MAST4: variants seen among roughly 807,000 people sequenced by gnomAD.
MAST4 encodes the protein microtubule-associated serine/threonine-protein kinase 4.
MAST4 carries 89 observed loss-of-function variants against 162.7 expected under a neutral mutation model. The observed-to-expected ratio is 0.55, with a 90% CI of 0.46 to 0.65. MAST4 has a LOEUF of 0.65. MAST4 is among the 30% of genes least tolerant of loss of function. The probability of loss-of-function intolerance (pLI) is 0.00; values close to 1 mark genes in which losing one functional copy is unlikely to be tolerated. For missense variants in MAST4, 3,153 were observed against 3,374.0 expected, an observed-to-expected ratio of 0.93 and a Z score of 1.62; for synonymous variants, 1,479 against 1,361.1, an observed-to-expected ratio of 1.09 and a Z score of -1.91.
At chr5:66,766,640 G>A (rs1754110075) in intron 2 of MAST4, among the ~76,000 whole-genome samples, 2 of 151,930 alleles carry the variant, frequency 1.3e-5, no homozygotes. Context: ...TCATCCTAAA[G>A]ACCTCCTTAG....
intron 4 of MAST4, among the ~76,000 whole-genome samples, chr5:67,013,402 A>G (rs988710410): frequency 6.6e-6 from 1 of 152,236 alleles, no homozygotes; most frequent in Non-Finnish European, 1.5e-5. Context: ...TCTTAGGGTC[A>G]TAGAATTAGA....
At chr5:67,138,407 G>C (rs1358286054) in intron 19 of MAST4, among the ~76,000 whole-genome samples, 1 of 152,014 alleles carries the variant, frequency 6.6e-6, no homozygotes, top group Non-Finnish European at 1.5e-5. Flanking sequence ...TTTTTTGTTT[G>C]GTTTTTGGTT....
intron 4 of MAST4, among the ~76,000 whole-genome samples, chr5:66,948,823 T>C (rs1744333898): frequency 6.6e-6 from 1 of 152,190 alleles, no homozygotes; most frequent in Non-Finnish European, 1.5e-5. Context: ...CTCTTTGCTT[T>C]GTCAAGTATT....
chr5:67,021,803 G>A (rs560870179), intron 4 of MAST4, among the ~76,000 whole-genome samples: 1 of 152,290 alleles, frequency 6.6e-6, no homozygotes, highest in East Asian at 1.9e-4. Context: ...GCTAAAGGCA[G>A]TTATGTTTGC....
chr5:67,130,313 G>A lies in MAST4; in HGVS notation c.1849G>A (p.Val617Met). 6.2e-7 allele frequency: 1 copy of A among 1,613,922 alleles called. No homozygotes were observed. The highest frequency in any genetic ancestry group is 8.5e-7 in the Non-Finnish European group (1 of 1,179,862). ...TCGAAACCAGATCCAGCAGGCCTTT[G>A]TGGAGCGGGATATCCTGACTTTTGC... is the stretch of plus-strand genomic sequence containing the variant. ...ILRNQIQQAFVERDILTFAEN... is the reference protein window; with the variant it reads ...ILRNQIQQAFMERDILTFAEN... Residue 617 changes from valine (V) to methionine (M), a missense_variant, in exon 15 of 29, where the codon GTG becomes ATG. Transcript: ENST00000403625.
Position 67,149,505 on chromosome 5 carries a change from T to C in MAST4, c.3211T>C (p.Leu1071=), listed in dbSNP as rs750553780. 6.2e-7 allele frequency: 1 copy of C among 1,613,754 alleles called. No individual in the cohort carries two copies. The highest frequency in any genetic ancestry group is 8.5e-7 in the Non-Finnish European group (1 of 1,179,858). ...CGCTTCTCACATGGCTCGGCAGCGA[T>C]TAGAAAGCACAGAAAAAAAGAAAAT... The part of the protein sequence containing the change: ...EPASHMARQR[L]ESTEKKKISG... Residue 1071 remains leucine (L), a synonymous_variant, in exon 24 of 29, where the codon TTA becomes CTA. Coordinates refer to ENST00000403625, the MANE Select transcript of MAST4 (RefSeq NM_001164664.2).
Position 67,136,599 on chromosome 5 carries a change from C to T in MAST4, c.2429C>T (p.Pro810Leu), listed in dbSNP as rs750461908. ...TGGCCTGAGAAGGATGAGGCACCCC[C>T]ACCTGATGCCCAGGATCTGATTACC... is the stretch of plus-strand genomic sequence containing the variant. ...INWPEKDEAP[P>L]PDAQDLITLL... Residue 810 changes from proline to leucine, a missense_variant, in exon 19 of 29, where the codon CCA becomes CTA. Around this residue, in one of 7 missense-constraint regions of MAST4, gnomAD observed 62 missense variants for 63.1 expected, o/e 0.98. Coordinates refer to ENST00000403625, the MANE Select transcript of MAST4 (RefSeq NM_001164664.2). The T allele has an allele frequency of 5.6e-6, 9 of 1,606,866 alleles. No homozygotes were observed. The highest frequency in any genetic ancestry group is 2.2e-5 in the East Asian group (1 of 44,680).
chr5:67,164,032 G>T lies in MAST4; in HGVS notation c.4853G>T (p.Gly1618Val). 6.3e-7 allele frequency: 1 copy of T among 1,584,140 alleles called. No individual in the cohort carries two copies. Among genetic ancestry groups the T allele is most frequent in the South Asian group, 1.1e-5 (1 of 87,694 alleles). ...HKQASVRASEGAMSDGRVPAE... is the reference protein window; with the variant it reads ...HKQASVRASEVAMSDGRVPAE... ...CAGGCCAGCGTGCGCGCCAGCGAGGGTGCGATGTCGGATGGCCGGGTGCCT... is the reference window on the plus strand; with the variant it reads ...CAGGCCAGCGTGCGCGCCAGCGAGGTTGCGATGTCGGATGGCCGGGTGCCT... Residue 1618 changes from glycine to valine, a missense_variant, in exon 29 of 29, where the codon GGT (glycine) becomes GTT (valine). By Grantham distance (109) the Gly-to-Val change is moderately radical. This residue lies in a region of MAST4 where 1,644 missense variants were observed against 1,495.0 expected (regional missense o/e 1.10). Transcript: ENST00000403625. This position sits in a 1 kb window ranked among gnomAD's most constrained non-coding sequence, Gnocchi z 5.3.
At chr5:66,779,494 T>C (rs1375202887) in intron 2 of MAST4, among the ~76,000 whole-genome samples, 1 of 151,924 alleles carries the variant, frequency 6.6e-6, no homozygotes, top group African/African-American at 2.4e-5. Flanking sequence ...GTTTCTCAAA[T>C]TGTATCCATT....
At chr5:66,749,339 C>T (rs950020309) in intron 1 of MAST4, among the ~76,000 whole-genome samples, 1 of 152,122 alleles carries the variant, frequency 6.6e-6, no homozygotes, top group Non-Finnish European at 1.5e-5. Context: ...CTGTACTGCT[C>T]CGTTCATGCC....
Position 67,114,201 on chromosome 5 carries a change from A to G in MAST4, c.1573A>G (p.Asn525Asp). The G allele has an allele frequency of 6.2e-7, 1 of 1,611,820 alleles. No individual in the cohort carries two copies. Among genetic ancestry groups the G allele is most frequent in the East Asian group, 2.2e-5 (1 of 44,746 alleles). Residue 525 changes from asparagine (N) to aspartate (D), a missense_variant, in exon 12 of 29, where the codon AAT (asparagine) becomes GAT (aspartate). Coordinates refer to ENST00000403625, the MANE Select transcript of MAST4 (RefSeq NM_001164664.2). ...GTACATCATTAGCCAACTGGGACTC[A>G]ATAAGGATCCCTTGGAAGGTGAGTC... ...PRYIISQLGL[N>D]KDPLEEMAHL...
intron 2 of MAST4, chr5:66,783,280 C>G (rs1021281488): frequency 3.3e-5 from 5 of 152,054 alleles, no homozygotes; most frequent in Non-Finnish European, 7.4e-5. Flanking sequence ...CTTGGTGTTT[C>G]TTATTTTTTA....
chr5:67,099,064 A>AT (rs1361385746), intron 7 of MAST4, among the ~76,000 whole-genome samples: 1 of 151,998 alleles, frequency 6.6e-6, no homozygotes, highest in Non-Finnish European at 1.5e-5. Context: ...GTGGACATTG[A>AT]TTTACCTTTG....
chr5:66,697,557 A>G (rs2149505554), intron 1 of MAST4, among the ~76,000 whole-genome samples: 1 of 152,254 alleles, frequency 6.6e-6, no homozygotes, highest in Non-Finnish European at 1.5e-5. Context: ...GCAAGGGCAA[A>G]TTTTCTTCAG....
At chr5:66,788,877 AT>A in intron 3 of MAST4, 83 bp downstream of exon 3, 2 of 1,412,912 alleles carry the variant, frequency 1.4e-6, no homozygotes, top group South Asian at 1.6e-5. Context: ...GTTTAACTAT[AT>A]TTAAACTTAC....
intron 1 of MAST4, among the ~76,000 whole-genome samples, chr5:66,743,423 G>T (rs1461343220): frequency 6.6e-6 from 1 of 152,228 alleles, no homozygotes. Context: ...AGAAGCTGGG[G>T]TGTCAGTGCT....
At chr5:66,940,637 C>T (rs1007267904) in intron 4 of MAST4, among the ~76,000 whole-genome samples, 16 of 152,044 alleles carry the variant, frequency 1.1e-4, no homozygotes, top group East Asian at 1.9e-4. Flanking sequence ...TTCTAATTTT[C>T]GTTCTATTTC....
chr5:67,134,682 A>G lies in MAST4; in HGVS notation c.2386A>G (p.Ile796Val). The G allele has an allele frequency of 1.2e-6, 2 of 1,612,288 alleles. No individual in the cohort carries two copies. Among genetic ancestry groups the G allele is most frequent in the South Asian group, 1.1e-5 (1 of 90,862 alleles). ...TCCAGAGGAGCTATTTGGACAAGTCATCAGTGGTAAATATCATCAGGAGTT... is the reference window on the plus strand; with the variant it reads ...TCCAGAGGAGCTATTTGGACAAGTCGTCAGTGGTAAATATCATCAGGAGTT... Reference protein sequence around the residue: ...DTPEELFGQVISDEINWPEKD... With the variant: ...DTPEELFGQVVSDEINWPEKD... Residue 796 changes from isoleucine to valine, a missense_variant, in exon 18 of 29, where the codon ATC becomes GTC. Physicochemically the swap from Ile to Val is conservative, Grantham distance 29. Coordinates refer to ENST00000403625, the MANE Select transcript of MAST4 (RefSeq NM_001164664.2).
In MAST4 at chr5:67,166,781, C is replaced by G; in HGVS notation, c.7602C>G (p.His2534Gln). 2 of 1,601,712 alleles carry G rather than the reference C, an allele frequency of 1.2e-6. No homozygotes were observed. Among genetic ancestry groups the G allele is most frequent in the Non-Finnish European group, 1.7e-6 (2 of 1,174,650 alleles). The change falls in exon 29 of 29, where the codon CAC becomes CAG. Residue 2534 changes from histidine to glutamine, a missense_variant. His to Gln is a conservative substitution (Grantham distance 24). Around this residue, in one of 7 missense-constraint regions of MAST4, gnomAD observed 1,644 missense variants for 1,495.0 expected, o/e 1.10. Coordinates refer to ENST00000403625, the MANE Select transcript of MAST4 (RefSeq NM_001164664.2). ...FRVSTLPLES[H>Q]HPDPNTMGGA... is the part of the protein sequence containing the mutation. ...TCTCCACCCTGCCTCTGGAGTCACA[C>G]CACCCCGACCCAAACACCATGGGCG...
Sources: gnomAD v4.1 joint callset for allele counts (sites outside exome capture counted in the v4.1 genomes callset) on GRCh38, gnomAD v4.1.1 for gene constraint, gnomAD v4.1.1 regional missense constraint, Gnocchi (gnomAD v3.1) non-coding constraint, MANE v1.5 for transcripts, NCBI Gene and HGNC (gene_info 2026-07-23, HGNC 2026-07-21) for gene names.